The following LRRC1 variants were observed in gnomAD, a reference collection of about 807,000 sequenced individuals.
LRRC1 encodes leucine rich repeat containing 1, also known as leucine-rich repeat-containing protein 1.
In LRRC1, 28 loss-of-function variants were observed where a neutral mutation model predicts 69.9. The ratio of observed to expected loss-of-function variants is 0.40; its 90% CI spans 0.30 to 0.55. The LOEUF (loss-of-function observed/expected upper bound fraction) is 0.55, where lower values mean the gene tolerates loss of function less well. Ranked by LOEUF, LRRC1 falls within the 20% of genes least tolerant of loss-of-function variation. LRRC1 has a pLI of 0.47. For missense variants in LRRC1, 498 were observed against 609.0 expected, an observed-to-expected ratio of 0.82 and a Z score of 1.92; for synonymous variants, 236 against 240.2, an observed-to-expected ratio of 0.98 and a Z score of 0.16.
chr6:53,799,395 G>A (rs2127401245), intron 1 of LRRC1, among the ~76,000 whole-genome samples: 1 of 152,316 alleles, frequency 6.6e-6, no homozygotes, highest in Non-Finnish European at 1.5e-5. Flanking sequence ...AGTACATAGT[G>A]GGCACAAAGA....
intron 4 of LRRC1, among the ~76,000 whole-genome samples, chr6:53,888,326 T>TTA (rs1767560784): frequency 6.6e-6 from 1 of 152,182 alleles, no homozygotes; most frequent in Non-Finnish European, 1.5e-5. Flanking sequence ...AGTTATATTT[T>TTA]TATATATCAG....
intron 2 of LRRC1, among the ~76,000 whole-genome samples, chr6:53,862,280 C>A (rs894966364): frequency 7.1e-6 from 1 of 140,712 alleles, no homozygotes; most frequent in Non-Finnish European, 1.5e-5. Flanking sequence ...AGCCATTAAC[C>A]TGAATCGTGT....
chr6:53,847,405 G>T (rs1765982531), intron 2 of LRRC1, among the ~76,000 whole-genome samples: 1 of 152,240 alleles, frequency 6.6e-6, no homozygotes, highest in East Asian at 1.9e-4. Flanking sequence ...GGAAATACTT[G>T]TCAGTATTAG....
In LRRC1 at chr6:53,795,059, A is replaced by C; in HGVS notation, c.-198A>C. On this transcript the variant is annotated 5_prime_UTR_variant, in exon 1 of 14. Transcript: ENST00000370888. ...GGCACCGGCTGGCGGGCGGGGGTACAGGGACGGGGCAGGGGCTCCCGCTCC... is the reference window on the plus strand; with the variant it reads ...GGCACCGGCTGGCGGGCGGGGGTACCGGGACGGGGCAGGGGCTCCCGCTCC... The C allele has an allele frequency of 2.2e-6, 1 of 447,120 alleles. No individual in the cohort carries two copies. Among genetic ancestry groups the C allele is most frequent in the Non-Finnish European group, 3.9e-6 (1 of 256,034 alleles). The allele number at this position is 447,120 out of a possible 1,614,324, so 27.7% of individuals were successfully genotyped here.
chr6:53,910,335 G>A lies in LRRC1; in HGVS notation c.991-3519G>A, dbSNP rs1768369494. On this transcript the variant is annotated intron_variant, in intron 10 of 13. Transcript: ENST00000370888. ...ACTCTGCTTCCCAGAACTTCTAAGT[G>A]ATACATTTTATCCTGATTACCACTG... Among the ~76,000 whole-genome samples, 3 of 152,100 alleles carry A rather than the reference G, an allele frequency of 2.0e-5. No homozygotes were observed. In the South Asian group the frequency reaches 6.2e-4, roughly 32 times the overall value.
At chr6:53,853,953 T>C (rs1249430251) in intron 2 of LRRC1, among the ~76,000 whole-genome samples, 2 of 152,196 alleles carry the variant, frequency 1.3e-5, no homozygotes, top group East Asian at 3.8e-4. Flanking sequence ...TTTTCTGATA[T>C]GGGTGCTGAG....
intron 1 of LRRC1, among the ~76,000 whole-genome samples, chr6:53,831,129 T>C (rs746931206): frequency 1.2e-4 from 18 of 151,854 alleles, no homozygotes; most frequent in Non-Finnish European, 2.2e-4. Context: ...AGAAGATGTT[T>C]TGAGGCAAGT....
In LRRC1 at chr6:53,919,243, T is replaced by C. The variant is rs1260539641; in HGVS notation, c.1107-255T>C. On this transcript the variant is annotated intron_variant, in intron 11 of 13. Transcript: ENST00000370888. ...ATTTTCTCTCTCTTTTTTTTTTTTT[T>C]TTTTTTTTTTTTGCTCTGTAATCTG... is the stretch of plus-strand genomic sequence containing the variant. The C allele has an allele frequency of 7.9e-5, 15 of 190,770 alleles. No homozygotes were observed. In the East Asian group the frequency reaches 1.3e-3, roughly 16 times the overall value. 11.8% of individuals were successfully genotyped at this position (190,770 alleles called of 1,614,324 possible).
intron 4 of LRRC1, among the ~76,000 whole-genome samples, chr6:53,887,227 G>GA (rs1767516451): frequency 6.6e-6 from 1 of 151,956 alleles, no homozygotes; most frequent in South Asian, 2.1e-4. Flanking sequence ...AACCTTCCAA[G>GA]AAAAAATAAT....
chr6:53,829,748 C>T (rs1458323376), intron 1 of LRRC1, among the ~76,000 whole-genome samples: 2 of 152,148 alleles, frequency 1.3e-5, no homozygotes, highest in East Asian at 3.9e-4. Flanking sequence ...TGAGCTACCT[C>T]AGAAAATTGT....
At chr6:53,871,683 T>A (rs1766888684) in intron 2 of LRRC1, among the ~76,000 whole-genome samples, 1 of 152,198 alleles carries the variant, frequency 6.6e-6, no homozygotes, top group Non-Finnish European at 1.5e-5. Context: ...GTTTCGTTTT[T>A]TGAGACGGAC....
chr6:53,821,956 T>C (rs1433670431), intron 1 of LRRC1, among the ~76,000 whole-genome samples: 3 of 152,072 alleles, frequency 2.0e-5, no homozygotes, highest in Non-Finnish European at 4.4e-5. Context: ...GTTCTTTTGA[T>C]TTTTGAATGG....
At chr6:53,819,062 G>A (rs757572857) in intron 1 of LRRC1, among the ~76,000 whole-genome samples, 23 of 152,166 alleles carry the variant, frequency 1.5e-4, no homozygotes, top group Non-Finnish European at 3.1e-4. Context: ...CCATGTGGGG[G>A]ATGATCAGAG....
At chr6:53,920,517 C>T (rs1215063872) in intron 12 of LRRC1, 108 bp from the exon 13 acceptor site, 1 of 1,225,150 alleles carries the variant, frequency 8.2e-7, no homozygotes, top group Non-Finnish European at 1.2e-6. Flanking sequence ...TTCTGGTGTT[C>T]TACCCCTGGT....
At position 53,919,923 on chromosome 6, in the gene LRRC1, G is replaced by T. The variant is rs117785818; in HGVS notation, c.1279+253G>T. 7.2e-5 allele frequency among the ~76,000 whole-genome samples: 11 copies of T among 152,280 alleles called. No individual in the cohort carries two copies. The East Asian group carries it at 1.9e-3, about 27-fold the overall frequency. On this transcript the variant is annotated intron_variant, in intron 12 of 13. Transcript: ENST00000370888. ...TTTTTGGTTTTGAATTATAGCTAAG[G>T]CTGAAAATACAATACTTCTAGAAGT...
chr6:53,854,673 T>C (rs1766253151), intron 2 of LRRC1, among the ~76,000 whole-genome samples: 1 of 152,264 alleles, frequency 6.6e-6, no homozygotes, highest in African/African-American at 2.4e-5. Context: ...TCTAAAATCA[T>C]AATTCTGTCT....
At chr6:53,912,437 AT>A (rs1471839619) in intron 10 of LRRC1, among the ~76,000 whole-genome samples, 3 of 152,218 alleles carry the variant, frequency 2.0e-5, no homozygotes, top group East Asian at 3.8e-4. Context: ...TGACTAGACC[AT>A]TTTTGCTGGG....
chr6:53,838,842 T>C (rs1003747754), intron 1 of LRRC1, among the ~76,000 whole-genome samples: 5 of 152,216 alleles, frequency 3.3e-5, no homozygotes, highest in African/African-American at 4.8e-5. Flanking sequence ...ATTCATTTGC[T>C]GAGATTTATA....
chr6:53,797,643 C>G (rs1764341999), intron 1 of LRRC1, among the ~76,000 whole-genome samples: 1 of 152,140 alleles, frequency 6.6e-6, no homozygotes, highest in Non-Finnish European at 1.5e-5. Flanking sequence ...ATGTTCTCCT[C>G]TCTATAATTT....
Sources: gnomAD v4.1 joint callset for allele counts (sites outside exome capture counted in the v4.1 genomes callset) on GRCh38, gnomAD v4.1.1 for gene constraint, MANE v1.5 for transcripts, NCBI Gene and HGNC (gene_info 2026-07-23, HGNC 2026-07-21) for gene names.